MFN2: variants seen among roughly 807,000 people sequenced by gnomAD.
MFN2 encodes the protein mitofusin 2.
Under a neutral mutation model 87.5 loss-of-function variants are expected in MFN2, and 43 were observed. The observed-to-expected ratio is 0.49, with a 90% CI of 0.38 to 0.63. The LOEUF is 0.63. Among genes scored for constraint, MFN2 ranks in the 30% least tolerant of loss-of-function variants. The pLI, the probability that MFN2 is intolerant of heterozygous loss-of-function variation, is 0.00. For missense variants in MFN2, 743 were observed against 972.8 expected (o/e 0.76, Z 3.14); for synonymous variants, 337 against 359.9 (o/e 0.94, Z 0.72).
chr1:11,986,535 C>T (rs967226405), intron 2 of MFN2, among the ~76,000 whole-genome samples: 2 of 151,184 alleles, frequency 1.3e-5, no homozygotes, highest in Non-Finnish European at 2.9e-5. Context: ...CTTTTGGGGT[C>T]GGAATTCCCA....
In MFN2 at chr1:12,012,818, A is replaced by G. The variant is rs900928111; in HGVS notation, c.*1253A>G. 7.2e-5 allele frequency: 11 copies of G among 152,902 alleles called. No individual in the cohort carries two copies. Among genetic ancestry groups the G allele is most frequent in the African/African-American group, 2.7e-4 (11 of 41,452 alleles). 9.5% of individuals were successfully genotyped at this position (152,902 alleles called of 1,614,324 possible). On this transcript the variant is annotated 3_prime_UTR_variant, in exon 19 of 19. Transcript: ENST00000235329. Reference sequence around the variant, plus strand: ...CACCAAGGTGTTGACTGTGTGAGAAAAGCAGTTTGGGTGACAAATCCTGTG... The same window carrying G: ...CACCAAGGTGTTGACTGTGTGAGAAGAGCAGTTTGGGTGACAAATCCTGTG...
At chr1:12,006,314 C>G (rs892530319) in intron 15 of MFN2, among the ~76,000 whole-genome samples, 1 of 152,238 alleles carries the variant, frequency 6.6e-6, no homozygotes, top group Non-Finnish European at 1.5e-5. Flanking sequence ...CTCGGGGAAG[C>G]TGCCAGGCGG....
rs374266418 is a variant in MFN2 at position 12,006,490 on chromosome 1, G to A, written c.1717-48G>A. The A allele has an allele frequency of 3.2e-5, 52 of 1,610,058 alleles. No homozygotes were observed. The African/African-American group carries it at 5.2e-4, about 16-fold the overall frequency. ...GGCAACACTGAGGGTTCACGTGAAT[G>A]AGAGACTCAATACGTCCCCCTCACC... On this transcript the variant is annotated intron_variant, in intron 15 of 18. Transcript: ENST00000235329.
Position 12,011,632 on chromosome 1 carries a change from C to T in MFN2, c.*67C>T. The T allele has an allele frequency of 6.5e-7, 1 of 1,537,304 alleles. No homozygotes were observed. ...GCCAGCCCTAAGTGCCATGTGGGCT[C>T]CCCCAGGGGCACGTGTGGCTCCTGC... is the stretch of plus-strand genomic sequence containing the variant. On this transcript the variant is annotated 3_prime_UTR_variant, in exon 19 of 19. Coordinates refer to ENST00000235329, the MANE Select transcript of MFN2 (RefSeq NM_014874.4).
At chr1:12,006,940 G>C (rs1639449051) in intron 16 of MFN2, 113 bp from the exon 17 acceptor site, 2 of 1,413,070 alleles carry the variant, frequency 1.4e-6, no homozygotes, top group Non-Finnish European at 2.0e-6. Flanking sequence ...ACTCAGAGTA[G>C]AAACATGAAG....
At chr1:12,007,448 G>T (rs191831565) in intron 17 of MFN2, among the ~76,000 whole-genome samples, 199 bp downstream of exon 17, 3,000 of 152,326 alleles carry the variant, frequency 0.02, 359 homozygotes, top group Admixed American at 0.19. Context: ...TTGCGTCTTG[G>T]GCTGGGACGG....
chr1:12,010,286 G>A (rs958190494), intron 18 of MFN2, among the ~76,000 whole-genome samples: 14 of 152,344 alleles, frequency 9.2e-5, no homozygotes, highest in Admixed American at 5.2e-4. Flanking sequence ...ACAGTACTGC[G>A]AGACTGCAGT....
At position 12,002,708 on chromosome 1, in the gene MFN2, C is replaced by T. The variant is rs1639232007; in HGVS notation, c.1160+605C>T. On this transcript the variant is annotated intron_variant, in intron 11 of 18. Coordinates refer to ENST00000235329, the MANE Select transcript of MFN2 (RefSeq NM_014874.4). ...GTCACTAAAGAATAATATGAAAACA[C>T]CTTGCTTCTATCACACAGAATTGAC... Among the ~76,000 whole-genome samples, 3 of 152,288 alleles carry T rather than the reference C, an allele frequency of 2.0e-5. No homozygotes were observed. The South Asian group carries it at 6.2e-4, about 32-fold the overall frequency.
At chr1:11,989,765 A>T (rs1638595302) in intron 3 of MFN2, among the ~76,000 whole-genome samples, 1 of 152,140 alleles carries the variant, frequency 6.6e-6, no homozygotes, top group South Asian at 2.1e-4. Flanking sequence ...GGTGTCAGTG[A>T]TCCCTGACCA....
At chr1:11,980,584 G>A (rs1257329663) in intron 1 of MFN2, 100 bp downstream of exon 1, 1 of 397,040 alleles carries the variant, frequency 2.5e-6, no homozygotes. Context: ...GGGGCCACGG[G>A]GGTCTGGGAT....
intron 2 of MFN2, among the ~76,000 whole-genome samples, chr1:11,988,079 A>C (rs74718331): frequency 2.6e-5 from 2 of 75,874 alleles, no homozygotes; most frequent in African/African-American, 1.2e-4. Flanking sequence ...ATAGACCAAT[A>C]GTTTTTGTGT....
chr1:11,994,484 G>T (rs1638826261), intron 4 of MFN2, among the ~76,000 whole-genome samples: 1 of 152,136 alleles, frequency 6.6e-6, no homozygotes, highest in Non-Finnish European at 1.5e-5. Flanking sequence ...CAGCTACTTG[G>T]GAGGCTGAGG....
intron 6 of MFN2, among the ~76,000 whole-genome samples, chr1:11,998,372 C>T (rs554240121): frequency 8.4e-4 from 127 of 151,732 alleles, no homozygotes; most frequent in Admixed American, 1.6e-3. Flanking sequence ...ATGGTGAAAC[C>T]CTGTCTCTAC....
At chr1:11,982,254 A>ACTAC (rs1252731517) in intron 2 of MFN2, 140 bp downstream of exon 2, 2 of 152,108 alleles carry the variant, frequency 1.3e-5, no homozygotes, top group Admixed American at 1.3e-4. Flanking sequence ...GTGTTGAAAA[A>ACTAC]CTACCGTATC....
intron 8 of MFN2, among the ~76,000 whole-genome samples, chr1:12,000,482 G>GC (rs901907589): frequency 2.6e-5 from 4 of 152,234 alleles, no homozygotes; most frequent in African/African-American, 9.6e-5. Context: ...GAGCCACTGT[G>GC]CCCGCTTGTG....
chr1:11,993,838 AC>A (rs1638798879), intron 4 of MFN2, among the ~76,000 whole-genome samples: 1 of 151,746 alleles, frequency 6.6e-6, no homozygotes, highest in African/African-American at 2.4e-5. Context: ...CTGCATCTTT[AC>A]TTTTACATTT....
chr1:11,984,081 C>G (rs1638286537), intron 2 of MFN2, among the ~76,000 whole-genome samples: 1 of 152,172 alleles, frequency 6.6e-6, no homozygotes, highest in Non-Finnish European at 1.5e-5. Flanking sequence ...CTGGAGCTCC[C>G]AAGCTTCTAC....
Position 12,001,051 on chromosome 1 carries a change from G to A in MFN2, c.817-350G>A, listed in dbSNP as rs548002710. Among the ~76,000 whole-genome samples, 7 of 151,992 alleles carry A rather than the reference G, an allele frequency of 4.6e-5. 1 individual carries two copies. The highest frequency in any genetic ancestry group is 1.9e-4 in the East Asian group (1 of 5,160). On this transcript the variant is annotated intron_variant, in intron 8 of 18. Transcript: ENST00000235329. ...ATTCTTTTTTTTCCCTCACTCTGTCGCCCAGGCTGGAGTGCAGTGGTGCTA... is the reference window on the plus strand; with the variant it reads ...ATTCTTTTTTTTCCCTCACTCTGTCACCCAGGCTGGAGTGCAGTGGTGCTA...
intron 3 of MFN2, among the ~76,000 whole-genome samples, chr1:11,992,016 C>G (rs1261873838): frequency 6.8e-6 from 1 of 147,074 alleles, no homozygotes; most frequent in African/African-American, 2.5e-5. Flanking sequence ...CAAATCATAG[C>G]TCTGCCTTTT....
Sources: gnomAD v4.1 joint callset for allele counts (sites outside exome capture counted in the v4.1 genomes callset) on GRCh38, gnomAD v4.1.1 for gene constraint, MANE v1.5 for transcripts, NCBI Gene and HGNC (gene_info 2026-07-23, HGNC 2026-07-21) for gene names.